PTPRG: variants seen among roughly 807,000 people sequenced by gnomAD.
PTPRG encodes the protein receptor-type tyrosine-protein phosphatase gamma.
A neutral mutation model predicts 165.3 loss-of-function variants in PTPRG; 102 were observed. The observed-to-expected ratio is 0.62, with a 90% CI of 0.53 to 0.73. The LOEUF (loss-of-function observed/expected upper bound fraction) is 0.73. Ranked by LOEUF, PTPRG falls within the 30% of genes least tolerant of loss-of-function variation. The pLI is 0.00. For synonymous variants in PTPRG, 675 were observed against 669.5 expected, an observed-to-expected ratio of 1.01 and a Z score of -0.13; for missense variants, 1,866 against 1,861.4, an observed-to-expected ratio of 1.00 and a Z score of -0.05.
intron 28 of PTPRG, among the ~76,000 whole-genome samples, chr3:62,287,976 A>T (rs1702733279): frequency 6.6e-6 from 1 of 152,190 alleles, no homozygotes; most frequent in Non-Finnish European, 1.5e-5. Context: ...CCAAATCCTT[A>T]TAACTAGAAA....
intron 1 of PTPRG, chr3:61,742,869 C>G (rs1420830310): frequency 1.2e-5 from 18 of 1,556,858 alleles, no homozygotes; most frequent in Non-Finnish European, 1.4e-5. Context: ...GGGGGATATC[C>G]ACGGCCTTAG....
chr3:61,815,040 G>C (rs893775624), intron 2 of PTPRG, among the ~76,000 whole-genome samples: 5 of 151,768 alleles, frequency 3.3e-5, no homozygotes, highest in Non-Finnish European at 5.9e-5. Context: ...GGTTTTTTGT[G>C]AGCTGCCTGC....
chr3:61,890,412 G>GTT lies in PTPRG; in HGVS notation c.191-99204_191-99203dup, dbSNP rs1388100597. 5.8e-3 allele frequency among the ~76,000 whole-genome samples: 554 copies of GTT among 95,334 alleles called. 42 individuals are homozygous for GTT. Among genetic ancestry groups the GTT allele is most frequent in the African/African-American group, 0.023 (502 of 21,830 alleles). The allele number at this position is 95,334 out of a possible 152,430, so 62.5% of individuals were successfully genotyped here. A position where few individuals can be genotyped will look rare whatever the true frequency, so the allele number is the denominator to read the frequency against. The stretch of plus-strand genomic sequence containing the variant: ...GTTTTGGGCGGGTTTCTTGTTCTTT[G>GTT]TTTTTTTTTTGTTTTTTTTTTTTTT... On this transcript the variant is annotated intron_variant, in intron 2 of 29. Coordinates refer to ENST00000474889, the MANE Select transcript of PTPRG (RefSeq NM_002841.4).
At chr3:61,826,244 C>T (rs2036106515) in intron 2 of PTPRG, among the ~76,000 whole-genome samples, 1 of 152,106 alleles carries the variant, frequency 6.6e-6, no homozygotes. Flanking sequence ...TTTATCCCTT[C>T]TTCTGTAAAA....
Position 62,203,922 on chromosome 3 carries a change from A to T in PTPRG, c.2127A>T (p.Glu709Asp). ...TGTCCCGCGGGGACCGATTTTCTGA[A>T]GACAGCAGATTTATCACTGTTAATC... The part of the protein sequence containing the change: ...KPMSRGDRFS[E>D]DSRFITVNPA... The change falls in exon 12 of 30, where the codon GAA becomes GAT. Residue 709 changes from glutamate (E) to aspartate (D), a missense_variant. Glu to Asp is a conservative substitution (Grantham distance 45). Coordinates refer to ENST00000474889, the MANE Select transcript of PTPRG (RefSeq NM_002841.4). This position sits in a 1 kb window ranked among gnomAD's most constrained non-coding sequence, Gnocchi z 6.4. 1 of 1,592,848 alleles carries T rather than the reference A, an allele frequency of 6.3e-7. No homozygotes were observed. The highest frequency in any genetic ancestry group is 8.6e-7 in the Non-Finnish European group (1 of 1,167,968).
intron 1 of PTPRG, among the ~76,000 whole-genome samples, chr3:61,721,480 AG>A (rs2032040707): frequency 6.6e-6 from 1 of 152,210 alleles, no homozygotes; most frequent in African/African-American, 2.4e-5. Flanking sequence ...TGTCTAGAGA[AG>A]GGAGTACCTT....
intron 12 of PTPRG, among the ~76,000 whole-genome samples, chr3:62,211,626 T>C (rs1054568578): frequency 1.3e-5 from 2 of 152,224 alleles, no homozygotes; most frequent in Non-Finnish European, 2.9e-5. Flanking sequence ...AAACAGGCTA[T>C]AAATTTATAA....
At chr3:61,588,997 C>T (rs1700503787) in intron 1 of PTPRG, among the ~76,000 whole-genome samples, 2 of 152,132 alleles carry the variant, frequency 1.3e-5, no homozygotes. Context: ...AAACAGGGGT[C>T]AGCAAATCAT....
intron 4 of PTPRG, among the ~76,000 whole-genome samples, chr3:62,022,022 A>G (rs956476054): frequency 6.6e-6 from 1 of 152,130 alleles, no homozygotes; most frequent in Non-Finnish European, 1.5e-5. Flanking sequence ...TAGAGAATAC[A>G]TATATATGTA....
intron 2 of PTPRG, among the ~76,000 whole-genome samples, chr3:61,818,872 G>T (rs141972463): frequency 0.25 from 26,153 of 104,428 alleles, 2,509 homozygotes; most frequent in African/African-American, 0.39. Context: ...TAGTGAAATA[G>T]TGAATAGTGA....
rs1035663953 is a variant in PTPRG, at chr3:61,623,310, C to T, written c.85+60938C>T. Among the ~76,000 whole-genome samples the T allele has an allele frequency of 3.9e-4, 60 of 152,258 alleles. 1 individual carries two copies. The highest frequency in any genetic ancestry group is 1.3e-3 in the African/African-American group (54 of 41,562). On this transcript the variant is annotated intron_variant, in intron 1 of 29. Coordinates refer to ENST00000474889, the MANE Select transcript of PTPRG (RefSeq NM_002841.4). ...CCCAAGACTCAGATCCCTCCTTGGG[C>T]GAGGTTCTGATCTGCATGACTAGGG...
At chr3:61,985,742 G>C (rs2040743394) in intron 2 of PTPRG, among the ~76,000 whole-genome samples, 1 of 152,156 alleles carries the variant, frequency 6.6e-6, no homozygotes, top group African/African-American at 2.4e-5. Flanking sequence ...TTTGATTACA[G>C]AGGTCTGTTA....
At chr3:61,635,913 A>C (rs978590400) in intron 1 of PTPRG, among the ~76,000 whole-genome samples, 1 of 152,084 alleles carries the variant, frequency 6.6e-6, no homozygotes, top group Admixed American at 6.5e-5. Context: ...CATCTTTTTG[A>C]TAGTGTGTTT....
chr3:61,630,597 T>C (rs1207395994), intron 1 of PTPRG, among the ~76,000 whole-genome samples: 1 of 152,178 alleles, frequency 6.6e-6, no homozygotes, highest in Non-Finnish European at 1.5e-5. Context: ...GACTCAACTT[T>C]AGGAATTTTT....
At chr3:62,130,121 G>T (rs957563698) in intron 5 of PTPRG, among the ~76,000 whole-genome samples, 1 of 152,178 alleles carries the variant, frequency 6.6e-6, no homozygotes, top group East Asian at 1.9e-4. Context: ...GGCTAGTTCA[G>T]CCCATCTCTG....
At chr3:62,225,548 G>A (rs1389209363) in intron 13 of PTPRG, among the ~76,000 whole-genome samples, 1 of 150,984 alleles carries the variant, frequency 6.6e-6, no homozygotes, top group African/African-American at 2.4e-5. Context: ...CCTGAGGGAT[G>A]TTGCATAGAA....
intron 1 of PTPRG, among the ~76,000 whole-genome samples, chr3:61,564,903 G>T (rs1699868993): frequency 6.6e-6 from 1 of 152,240 alleles, no homozygotes; most frequent in South Asian, 2.1e-4. Flanking sequence ...CTCGAAACCC[G>T]CTGGGGGCTG....
At chr3:61,815,369 C>T (rs2035726829) in intron 2 of PTPRG, among the ~76,000 whole-genome samples, 1 of 152,062 alleles carries the variant, frequency 6.6e-6, no homozygotes, top group Non-Finnish European at 1.5e-5. Context: ...GACTGTCACA[C>T]TCCAGACTGG....
chr3:62,259,508 T>C (rs1489789328), intron 16 of PTPRG, among the ~76,000 whole-genome samples: 1 of 152,208 alleles, frequency 6.6e-6, no homozygotes, highest in East Asian at 1.9e-4. Context: ...GGGCCATGGA[T>C]TGGATAAGCT....
Sources: gnomAD v4.1 joint callset for allele counts (sites outside exome capture counted in the v4.1 genomes callset) on GRCh38, gnomAD v4.1.1 for gene constraint, Gnocchi (gnomAD v3.1) non-coding constraint, MANE v1.5 for transcripts, NCBI Gene and HGNC (gene_info 2026-07-23, HGNC 2026-07-21) for gene names.